The following NEK1 variants were observed in gnomAD, a reference collection of about 807,000 sequenced individuals.
NEK1 encodes the protein NIMA related kinase 1.
Under a neutral mutation model 182.1 loss-of-function variants are expected in NEK1, and 137 were observed. That is an observed-to-expected ratio of 0.75 (90% CI 0.65 to 0.87). The LOEUF (loss-of-function observed/expected upper bound fraction) is 0.87, where lower values mean the gene tolerates loss of function less well. Among genes scored for constraint, NEK1 ranks in the 40% least tolerant of loss-of-function variants. The pLI, the probability that NEK1 is intolerant of heterozygous loss-of-function variation, is 0.00. For missense variants in NEK1, 1,391 were observed against 1,494.4 expected (o/e 0.93, Z 1.14); for synonymous variants, 513 against 492.2 (o/e 1.04, Z -0.56).
chr4:169,562,858 A>G, intron 12 of NEK1, among the ~76,000 whole-genome samples: 1 of 152,214 alleles, frequency 6.6e-6, no homozygotes, highest in South Asian at 2.1e-4. Context: ...TCTTTTATAT[A>G]CTGTTTACCT....
chr4:169,571,463 T>A (rs1243915650), intron 12 of NEK1, among the ~76,000 whole-genome samples: 1 of 151,832 alleles, frequency 6.6e-6, no homozygotes, highest in African/African-American at 2.4e-5. Context: ...TAAAGTAGAG[T>A]AGAAACGTGG....
At chr4:169,506,826 T>C in intron 23 of NEK1, 1 of 276,372 alleles carries the variant, frequency 3.6e-6, no homozygotes. Context: ...CAAATCAATC[T>C]CCCAAATAAC....
chr4:169,528,585 CTG>C (rs1437246155), intron 19 of NEK1, among the ~76,000 whole-genome samples: 2 of 152,108 alleles, frequency 1.3e-5, no homozygotes, highest in Non-Finnish European at 2.9e-5. Flanking sequence ...TCCACAGAAA[CTG>C]TGAGATAAAC....
chr4:169,502,288 T>C (rs961043690), intron 23 of NEK1, among the ~76,000 whole-genome samples: 5 of 146,892 alleles, frequency 3.4e-5, no homozygotes, highest in African/African-American at 5.0e-5. Flanking sequence ...CTGGACCAGA[T>C]AGATTCACAA....
chr4:169,405,129 C>T (rs939636889), intron 32 of NEK1, among the ~76,000 whole-genome samples: 4 of 152,184 alleles, frequency 2.6e-5, no homozygotes, highest in Non-Finnish European at 5.9e-5. Context: ...CAACAGGAAG[C>T]ATTCTGAGAA....
rs567219085 is a variant in NEK1 at position 169,427,871 on chromosome 4, G to C, written c.2886-1637C>G. On this transcript the variant is annotated intron_variant, in intron 29 of 35. Transcript: ENST00000507142. ...GTCTTGCTCTGTTGCCCAGTCTGGA[G>C]TGCAGTGGAATAATCATGGCTCACC... Among the ~76,000 whole-genome samples the C allele has an allele frequency of 3.3e-5, 5 of 152,136 alleles. No homozygotes were observed. In the South Asian group the frequency reaches 1.0e-3, roughly 32 times the overall value.
chr4:169,549,231 T>C (rs576175665), intron 18 of NEK1, among the ~76,000 whole-genome samples: 15 of 152,076 alleles, frequency 9.9e-5, no homozygotes, highest in Non-Finnish European at 1.5e-4. Context: ...CAAACCCTGG[T>C]GTTCCTGGGT....
intron 12 of NEK1, among the ~76,000 whole-genome samples, chr4:169,563,926 T>A (rs1763313496): frequency 6.6e-6 from 1 of 152,226 alleles, no homozygotes. Context: ...ATTGCTGTAA[T>A]AAATCCTATT....
chr4:169,585,471 A>G lies in NEK1; in HGVS notation c.685T>C (p.Tyr229His). Residue 229 changes from tyrosine (Y) to histidine (H), a missense_variant, in exon 10 of 36, where the codon TAT (tyrosine) becomes CAT (histidine). Physicochemically the swap from Tyr to His is moderately conservative, Grantham distance 83. This residue lies in a region of NEK1 where 1,216 missense variants were observed against 1,277.6 expected (regional missense o/e 0.95). Transcript: ENST00000507142. ...TGAGACACCAAACTGCGGAGATCAT[A>G]GGAATAATGCAAAGACACAGGTGGA... ...SFPPVSLHYSYDLRSLVSQLF... is the reference protein window; with the variant it reads ...SFPPVSLHYSHDLRSLVSQLF... The G allele has an allele frequency of 6.2e-7, 1 of 1,613,624 alleles. No individual in the cohort carries two copies. The highest frequency in any genetic ancestry group is 1.1e-5 in the South Asian group (1 of 91,054).
intron 28 of NEK1, 146 bp downstream of exon 28, chr4:169,437,937 C>T: frequency 3.3e-6 from 2 of 608,874 alleles, no homozygotes; most frequent in Admixed American, 3.4e-5. Flanking sequence ...AAAAAAAAGA[C>T]CAATAGCTAA....
At chr4:169,492,448 G>A (rs1407694129) in intron 23 of NEK1, among the ~76,000 whole-genome samples, 1 of 152,108 alleles carries the variant, frequency 6.6e-6, no homozygotes, top group African/African-American at 2.4e-5. Context: ...AGGTGGGAGT[G>A]TGTCTCTGCT....
intron 21 of NEK1, 116 bp downstream of exon 21, chr4:169,508,132 C>A (rs183576251): frequency 3.5e-5 from 30 of 857,914 alleles, no homozygotes; most frequent in Admixed American, 6.6e-5. Context: ...CTTTGAACTT[C>A]CACTGTCGTC....
intron 5 of NEK1, among the ~76,000 whole-genome samples, chr4:169,597,965 T>C (rs1769844368): frequency 6.6e-6 from 1 of 151,518 alleles, no homozygotes; most frequent in South Asian, 2.1e-4. Flanking sequence ...AATAAATAAA[T>C]AATAATAATA....
intron 2 of NEK1, among the ~76,000 whole-genome samples, chr4:169,611,042 A>G (rs1772238248): frequency 6.6e-6 from 1 of 152,260 alleles, no homozygotes; most frequent in African/African-American, 2.4e-5. Context: ...AAGTCTATTC[A>G]GACAATATTC....
At chr4:169,484,605 A>C (rs1425166392) in intron 23 of NEK1, among the ~76,000 whole-genome samples, 1 of 152,210 alleles carries the variant, frequency 6.6e-6, no homozygotes, top group Non-Finnish European at 1.5e-5. Context: ...GATCTGGGGA[A>C]GAATGAAACA....
intron 27 of NEK1, among the ~76,000 whole-genome samples, chr4:169,452,622 G>A (rs1742039468): frequency 6.6e-6 from 1 of 152,150 alleles, no homozygotes; most frequent in African/African-American, 2.4e-5. Context: ...AGCCCTTCAT[G>A]CTAAAAACTC....
intron 12 of NEK1, among the ~76,000 whole-genome samples, chr4:169,567,612 C>G (rs1204198535): frequency 6.6e-6 from 1 of 152,150 alleles, no homozygotes; most frequent in East Asian, 1.9e-4. Flanking sequence ...GTTGGTTAGG[C>G]AGGTCTCCTG....
At chr4:169,524,524 AT>A (rs1348965519) in intron 19 of NEK1, among the ~76,000 whole-genome samples, 2 of 152,034 alleles carry the variant, frequency 1.3e-5, no homozygotes, top group African/African-American at 4.8e-5. Context: ...ATACAGTAAA[AT>A]TTTTATAATA....
At chr4:169,472,596 T>A (rs915897504) in intron 26 of NEK1, among the ~76,000 whole-genome samples, 5 of 152,116 alleles carry the variant, frequency 3.3e-5, no homozygotes, top group South Asian at 4.1e-4. Context: ...CCTGACACTT[T>A]CCCCCAACTT....
Sources: allele counts gnomAD v4.1 joint callset (sites outside exome capture counted in the v4.1 genomes callset), GRCh38; gene constraint gnomAD v4.1.1; regional missense constraint gnomAD v4.1.1; transcripts MANE v1.5; gene names NCBI Gene and HGNC (gene_info 2026-07-23, HGNC 2026-07-21).